The following PHF24 variants were observed in gnomAD, a reference collection of about 807,000 sequenced individuals.
PHF24 encodes Galpha inhibitory interacting protein.
In PHF24, 25 loss-of-function variants were observed where a neutral mutation model predicts 42.6. That is an observed-to-expected ratio of 0.59 (90% CI 0.43 to 0.82). The LOEUF (loss-of-function observed/expected upper bound fraction) is 0.82, where lower values mean the gene tolerates loss of function less well. PHF24 is among the 40% of genes least tolerant of loss of function. PHF24 has a pLI of 0.00. For missense variants in PHF24, 470 were observed against 538.1 expected, an observed-to-expected ratio of 0.87 and a Z score of 1.25; for synonymous variants, 185 against 204.8, an observed-to-expected ratio of 0.90 and a Z score of 0.83.
the PHF24 span, among the ~76,000 whole-genome samples, chr9:34,918,742 G>A: frequency 6.6e-5 from 10 of 150,870 alleles, no homozygotes; most frequent in Non-Finnish European, 1.2e-4. Flanking sequence ...TAACCAACAA[G>A]AGATATTTTT....
At chr9:34,696,211 G>T in the PHF24 span, among the ~76,000 whole-genome samples, 1 of 152,184 alleles carries the variant, frequency 6.6e-6, no homozygotes, top group Non-Finnish European at 1.5e-5. Context: ...GGTTAGGCCA[G>T]GCACAGTGGC....
the PHF24 span, among the ~76,000 whole-genome samples, chr9:34,714,843 A>G: frequency 6.6e-6 from 1 of 152,158 alleles, no homozygotes; most frequent in African/African-American, 2.4e-5. Context: ...CTTTCTCTCC[A>G]AGATACCTGC....
the PHF24 span, among the ~76,000 whole-genome samples, chr9:34,929,600 G>C: frequency 3.2e-4 from 49 of 152,182 alleles, no homozygotes; most frequent in Non-Finnish European, 5.6e-4. Flanking sequence ...GAAGAATTTA[G>C]AGCAGAGGAT....
the PHF24 span, among the ~76,000 whole-genome samples, chr9:34,704,158 C>T: frequency 6.6e-6 from 1 of 152,014 alleles, no homozygotes; most frequent in East Asian, 1.9e-4. Flanking sequence ...CTCCAAGTCG[C>T]TAGGACAATA....
At chr9:34,709,631 C>T in the PHF24 span, 1 of 1,614,192 alleles carries the variant, frequency 6.2e-7, no homozygotes. Flanking sequence ...GCACCCAGAG[C>T]TCCTTTGGGT....
chr9:34,952,966 T>A (rs1371119743), upstream of PHF24, among the ~76,000 whole-genome samples: 2 of 152,104 alleles, frequency 1.3e-5, no homozygotes, highest in African/African-American at 4.8e-5. Context: ...TACACAAAAA[T>A]TAATTAAAAA....
chr9:34,823,393 T>G, the PHF24 span, among the ~76,000 whole-genome samples: 1 of 152,110 alleles, frequency 6.6e-6, no homozygotes. Flanking sequence ...AACATCCTGT[T>G]GTCCCTTTGC....
At chr9:34,961,546 C>G (rs1464835361) in intron 1 of PHF24, among the ~76,000 whole-genome samples, 1 of 152,196 alleles carries the variant, frequency 6.6e-6, no homozygotes, top group Admixed American at 6.5e-5. Flanking sequence ...TAGAATCAGT[C>G]TGCATTTCTC....
the PHF24 span, chr9:34,729,226 A>C: frequency 6.6e-7 from 1 of 1,506,028 alleles, no homozygotes; most frequent in Admixed American, 2.4e-5. Context: ...GAGCACGGTA[A>C]GAACTTATAG....
chr9:34,807,616 A>G, the PHF24 span, among the ~76,000 whole-genome samples: 1 of 152,232 alleles, frequency 6.6e-6, no homozygotes, highest in Non-Finnish European at 1.5e-5. Flanking sequence ...TTCAGTAATA[A>G]CCACTGAGAG....
chr9:34,791,924 T>A, the PHF24 span, among the ~76,000 whole-genome samples: 4 of 152,204 alleles, frequency 2.6e-5, no homozygotes, highest in Admixed American at 2.6e-4. Context: ...GTAGCATAGT[T>A]AAGAGTTTTG....
At chr9:34,894,907 T>C in the PHF24 span, 1 of 396,820 alleles carries the variant, frequency 2.5e-6, no homozygotes, top group South Asian at 1.4e-4. Context: ...CCATGAGAAA[T>C]TGTCCCTGGG....
chr9:34,857,972 GTTTT>G, the PHF24 span, among the ~76,000 whole-genome samples: 49 of 95,984 alleles, frequency 5.1e-4, no homozygotes, highest in African/African-American at 1.5e-3. Context: ...TGTTTCTCTG[GTTTT>G]TTTTTTTTTT....
chr9:34,785,691 T>C, the PHF24 span, among the ~76,000 whole-genome samples: 1 of 152,180 alleles, frequency 6.6e-6, no homozygotes, highest in African/African-American at 2.4e-5. Flanking sequence ...TCTTAGGGTG[T>C]CAGGTCACCA....
the PHF24 span, among the ~76,000 whole-genome samples, chr9:34,674,087 T>C: frequency 6.6e-6 from 1 of 152,240 alleles, no homozygotes; most frequent in South Asian, 2.1e-4. Flanking sequence ...CAAATTTAAC[T>C]TTTTGCTCAA....
chr9:34,758,473 A>G, the PHF24 span, among the ~76,000 whole-genome samples: 118,564 of 151,904 alleles, frequency 0.78, 46,936 homozygotes, highest in East Asian at 0.95. This position sits in a 1 kb window ranked among gnomAD's most constrained non-coding sequence, Gnocchi z 4.4. Flanking sequence ...GGCAGCAGGG[A>G]TTGCTTTCCC....
At chr9:34,891,029 C>T in the PHF24 span, among the ~76,000 whole-genome samples, 7 of 152,126 alleles carry the variant, frequency 4.6e-5, no homozygotes, top group Admixed American at 1.3e-4. Context: ...ATTGCCTGGG[C>T]CACAGCCCTG....
At chr9:34,826,032 G>A in the PHF24 span, among the ~76,000 whole-genome samples, 4 of 152,046 alleles carry the variant, frequency 2.6e-5, no homozygotes, top group South Asian at 8.3e-4. Flanking sequence ...GCAAGAACAC[G>A]AGAGAAGTTT....
chr9:34,726,522 T>C, the PHF24 span: 2 of 1,551,758 alleles, frequency 1.3e-6, no homozygotes, highest in Non-Finnish European at 1.7e-6. Context: ...CTGGGGTTGC[T>C]CTGCGTCATC....
Sources: allele counts gnomAD v4.1 joint callset (sites outside exome capture counted in the v4.1 genomes callset), GRCh38; gene constraint gnomAD v4.1.1; non-coding constraint Gnocchi (gnomAD v3.1); transcripts MANE v1.5; gene names NCBI Gene and HGNC (gene_info 2026-07-23, HGNC 2026-07-21).